SSBP2: variants seen among roughly 807,000 people sequenced by gnomAD.
The protein encoded by SSBP2 is single-stranded DNA-binding protein 2.
Under a neutral mutation model 61.8 loss-of-function variants are expected in SSBP2, and 17 were observed. The observed-to-expected ratio is 0.28, with a 90% CI of 0.19 to 0.41. SSBP2 has a LOEUF of 0.41. Ranked by LOEUF, SSBP2 falls within the 10% of genes least tolerant of loss-of-function variation. The pLI is 1.00. For missense variants in SSBP2, 310 were observed against 458.7 expected (o/e 0.68, Z 2.96); for synonymous variants, 139 against 141.3 (o/e 0.98, Z 0.12).
At chr5:81,531,683 T>C (rs571437574) in intron 4 of SSBP2, among the ~76,000 whole-genome samples, 1 of 152,088 alleles carries the variant, frequency 6.6e-6, no homozygotes, top group Non-Finnish European at 1.5e-5. Context: ...TTTAAAATGC[T>C]AGATAAGAAA....
rs535059550 is a variant in SSBP2 at position 81,544,800 on chromosome 5, C to T, written c.283-31083G>A. On this transcript the variant is annotated intron_variant, in intron 4 of 16. Transcript: ENST00000320672. ...ACACAGCCAAACTACATTTCCCAGC[C>T]CTCCTTTATGTGAGCAGAGGTCATG... is the stretch of plus-strand genomic sequence containing the variant. Among the ~76,000 whole-genome samples, 7 of 152,276 alleles carry T rather than the reference C, an allele frequency of 4.6e-5. No homozygotes were observed. In the South Asian group the frequency reaches 1.5e-3, roughly 32 times the overall value.
intron 1 of SSBP2, among the ~76,000 whole-genome samples, chr5:81,666,608 T>C (rs184872684): frequency 1.2e-4 from 19 of 152,278 alleles, no homozygotes; most frequent in African/African-American, 4.3e-4. Context: ...TAAAAACTAA[T>C]TAAATCAATG....
intron 5 of SSBP2, among the ~76,000 whole-genome samples, chr5:81,509,092 C>T (rs974072934): frequency 2.6e-5 from 4 of 152,276 alleles, no homozygotes; most frequent in African/African-American, 7.2e-5. Flanking sequence ...AACTATTTAG[C>T]ACCCTTTTGA....
At chr5:81,456,349 C>T (rs1432861611) in intron 10 of SSBP2, among the ~76,000 whole-genome samples, 1 of 136,232 alleles carries the variant, frequency 7.3e-6, no homozygotes. Flanking sequence ...ACTATTTCTG[C>T]CTTTTTTTTT....
At chr5:81,703,521 G>T (rs962369750) in intron 1 of SSBP2, among the ~76,000 whole-genome samples, 6 of 151,730 alleles carry the variant, frequency 4.0e-5, no homozygotes, top group Non-Finnish European at 5.9e-5. Context: ...TAACTAACCT[G>T]CACATTGTGC....
chr5:81,501,770 G>A (rs1767804987), intron 5 of SSBP2, among the ~76,000 whole-genome samples: 1 of 151,666 alleles, frequency 6.6e-6, no homozygotes, highest in South Asian at 2.1e-4. Flanking sequence ...GTTTCACCAT[G>A]TTAGCCAGGA....
chr5:81,445,540 C>T (rs965945334), intron 12 of SSBP2, among the ~76,000 whole-genome samples: 3 of 152,004 alleles, frequency 2.0e-5, no homozygotes, highest in Admixed American at 6.6e-5. Flanking sequence ...ATTCTATCTT[C>T]GATGAATTGT....
chr5:81,622,258 T>C (rs1309490930), intron 3 of SSBP2, among the ~76,000 whole-genome samples: 1 of 152,168 alleles, frequency 6.6e-6, no homozygotes, highest in Non-Finnish European at 1.5e-5. Flanking sequence ...TTCCATCTAC[T>C]AAATTAACAA....
chr5:81,718,182 T>C (rs916673275), intron 1 of SSBP2, among the ~76,000 whole-genome samples: 1 of 151,872 alleles, frequency 6.6e-6, no homozygotes, highest in Admixed American at 6.6e-5. Context: ...AACAACACAT[T>C]ATGCGCAGGG....
chr5:81,708,050 C>T (rs1420832568), intron 1 of SSBP2, among the ~76,000 whole-genome samples: 1 of 152,106 alleles, frequency 6.6e-6, no homozygotes, highest in Non-Finnish European at 1.5e-5. Flanking sequence ...CAAGTTAAAG[C>T]ACCTTATGGT....
At chr5:81,552,183 A>T (rs1357026688) in intron 4 of SSBP2, among the ~76,000 whole-genome samples, 1 of 152,238 alleles carries the variant, frequency 6.6e-6, no homozygotes, top group African/African-American at 2.4e-5. Context: ...TAAGCAAACA[A>T]GAGCCTAAAA....
At chr5:81,557,423 G>A (rs376545415) in intron 4 of SSBP2, among the ~76,000 whole-genome samples, 173 of 152,116 alleles carry the variant, frequency 1.1e-3, no homozygotes, top group African/African-American at 2.9e-3. Flanking sequence ...TTATGTAAGC[G>A]TTTTTTCTGT....
chr5:81,549,794 G>A (rs1772033688), intron 4 of SSBP2, among the ~76,000 whole-genome samples: 1 of 152,154 alleles, frequency 6.6e-6, no homozygotes, highest in Non-Finnish European at 1.5e-5. Context: ...TTTGAGGTAA[G>A]CATAGGCTCT....
intron 1 of SSBP2, among the ~76,000 whole-genome samples, chr5:81,713,551 T>C (rs1754947501): frequency 6.6e-6 from 1 of 152,160 alleles, no homozygotes; most frequent in Admixed American, 6.5e-5. Flanking sequence ...CCCTAGGGAA[T>C]CTGACCAGCC....
At chr5:81,650,030 C>T (rs1213508475) in intron 2 of SSBP2, among the ~76,000 whole-genome samples, 5 of 151,982 alleles carry the variant, frequency 3.3e-5, no homozygotes, top group Admixed American at 2.0e-4. Flanking sequence ...GCTAATATTA[C>T]TTTCCATTTC....
chr5:81,641,694 C>T (rs779884856), intron 2 of SSBP2, among the ~76,000 whole-genome samples: 1 of 152,142 alleles, frequency 6.6e-6, no homozygotes, highest in Non-Finnish European at 1.5e-5. Context: ...AACTAAACCA[C>T]ATTCACTGTA....
intron 4 of SSBP2, among the ~76,000 whole-genome samples, chr5:81,532,921 A>G (rs1389694950): frequency 6.6e-6 from 1 of 152,000 alleles, no homozygotes; most frequent in Non-Finnish European, 1.5e-5. Flanking sequence ...AAAAAGAAAT[A>G]GACAAGTTTG....
At chr5:81,444,086 T>C (rs967361747) in intron 12 of SSBP2, among the ~76,000 whole-genome samples, 5 of 152,210 alleles carry the variant, frequency 3.3e-5, no homozygotes, top group Non-Finnish European at 7.3e-5. Flanking sequence ...CAATGACCCA[T>C]AAATCTAAAT....
chr5:81,568,473 T>C (rs188795539), intron 4 of SSBP2, among the ~76,000 whole-genome samples: 4 of 152,312 alleles, frequency 2.6e-5, no homozygotes, highest in Non-Finnish European at 4.4e-5. Context: ...CTTTTGTAAA[T>C]TGCCCAGTCT....
Sources: gnomAD v4.1 joint callset for allele counts (sites outside exome capture counted in the v4.1 genomes callset) on GRCh38, gnomAD v4.1.1 for gene constraint, MANE v1.5 for transcripts, NCBI Gene and HGNC (gene_info 2026-07-23, HGNC 2026-07-21) for gene names.